Variants in LDLRAD4 observed in about 807,000 individuals in gnomAD.
The protein encoded by LDLRAD4 is low density lipoprotein receptor class A domain containing 4, also known as low-density lipoprotein receptor class A domain-containing protein 4.
LDLRAD4 carries 5 observed loss-of-function variants against 17.0 expected under a neutral mutation model. The ratio of observed to expected loss-of-function variants is 0.29; its 90% confidence interval spans 0.15 to 0.62. The LOEUF (loss-of-function observed/expected upper bound fraction) is 0.62, where lower values mean the gene tolerates loss of function less well. LDLRAD4 is among the 20% of genes least tolerant of loss of function. LDLRAD4 has a pLI of 0.84. For missense variants in LDLRAD4, 340 were observed against 424.7 expected (o/e 0.80, Z 1.75); for synonymous variants, 168 against 171.8 (o/e 0.98, Z 0.17).
intron 1 of LDLRAD4, among the ~76,000 whole-genome samples, chr18:13,286,104 C>T (rs2045608338): frequency 6.6e-6 from 1 of 152,250 alleles, no homozygotes; most frequent in Admixed American, 6.5e-5. Context: ...TTCCCTCTCC[C>T]TCCAGCCGCT....
At chr18:13,434,628 TC>T (rs2090541730) in intron 2 of LDLRAD4, among the ~76,000 whole-genome samples, 2 of 152,236 alleles carry the variant, frequency 1.3e-5, no homozygotes, top group Non-Finnish European at 2.9e-5. Context: ...CCTCTCTGGT[TC>T]TAGTCTGTCA....
chr18:13,313,744 G>GTGA (rs2080780092), intron 1 of LDLRAD4, among the ~76,000 whole-genome samples: 1 of 152,190 alleles, frequency 6.6e-6, no homozygotes, highest in South Asian at 2.1e-4. Flanking sequence ...TTTGAGGACA[G>GTGA]TGACGGTTTC....
intron 1 of LDLRAD4, among the ~76,000 whole-genome samples, chr18:13,264,206 G>A (rs773841569): frequency 7.2e-5 from 11 of 152,208 alleles, no homozygotes; most frequent in Non-Finnish European, 1.3e-4. Flanking sequence ...GTTGCGGGAT[G>A]GACCTGAGTG....
At chr18:13,285,664 C>G (rs1443596121) in intron 1 of LDLRAD4, among the ~76,000 whole-genome samples, 1 of 152,118 alleles carries the variant, frequency 6.6e-6, no homozygotes, top group Non-Finnish European at 1.5e-5. Context: ...AACAGTTTCC[C>G]TCTTTTTGTC....
At chr18:13,593,316 A>C (rs74448815) in intron 3 of LDLRAD4, among the ~76,000 whole-genome samples, 5,135 of 152,254 alleles carry the variant, frequency 0.034, 141 homozygotes, top group Non-Finnish European at 0.048. Context: ...GCGTCTTAAA[A>C]AACAAAAAAC....
intron 1 of LDLRAD4, among the ~76,000 whole-genome samples, chr18:13,364,495 A>AT (rs2083912942): frequency 6.6e-6 from 1 of 152,036 alleles, no homozygotes; most frequent in Non-Finnish European, 1.5e-5. Flanking sequence ...GTGCCACCAC[A>AT]CCTGGCTTAT....
chr18:13,610,517 C>T (rs1022728703), intron 3 of LDLRAD4, among the ~76,000 whole-genome samples: 1 of 151,918 alleles, frequency 6.6e-6, no homozygotes, highest in Non-Finnish European at 1.5e-5. Context: ...GAACTCCTGA[C>T]CTCAGGTGAT....
intron 3 of LDLRAD4, among the ~76,000 whole-genome samples, chr18:13,619,501 TG>T (rs1285398644): frequency 2.0e-3 from 4 of 2,040 alleles, no homozygotes; most frequent in Non-Finnish European, 3.4e-3. Context: ...TGTGTGTGGG[TG>T]GGGGGGTGGG....
intron 3 of LDLRAD4, among the ~76,000 whole-genome samples, chr18:13,452,561 G>C (rs1440593568): frequency 6.6e-6 from 1 of 152,168 alleles, no homozygotes; most frequent in African/African-American, 2.4e-5. Flanking sequence ...AAAGGAGGAA[G>C]GCGGGAGTCC....
intron 3 of LDLRAD4, among the ~76,000 whole-genome samples, chr18:13,542,071 G>A (rs571259477): frequency 6.6e-6 from 1 of 152,132 alleles, no homozygotes; most frequent in East Asian, 1.9e-4. Flanking sequence ...GTAAGACCCT[G>A]ATTCTAAAAA....
Position 13,383,404 on chromosome 18 carries a change from A to G in LDLRAD4, c.-382-3937A>G, listed in dbSNP as rs1360179389. On this transcript the variant is annotated intron_variant, in intron 1 of 5. Transcript: ENST00000359446. ...CTGCAGATGTTTTGGGAAGCCGACCAGGTGCTGCGGGTTGTGTAGCAGGGT... is the reference window on the plus strand; with the variant it reads ...CTGCAGATGTTTTGGGAAGCCGACCGGGTGCTGCGGGTTGTGTAGCAGGGT... Among the ~76,000 whole-genome samples, 3 of 152,162 alleles carry G rather than the reference A, an allele frequency of 2.0e-5. No individual in the cohort carries two copies. In the East Asian group the frequency reaches 5.8e-4, roughly 29 times the overall value.
chr18:13,589,690 G>A (rs2094984248), intron 3 of LDLRAD4, among the ~76,000 whole-genome samples: 1 of 152,168 alleles, frequency 6.6e-6, no homozygotes, highest in South Asian at 2.1e-4. Context: ...AGTTTGCTTG[G>A]TAGGGCCTGA....
At position 13,363,390 on chromosome 18, in the gene LDLRAD4, C is replaced by T. The variant is rs115052496; in HGVS notation, c.-382-23951C>T. On this transcript the variant is annotated intron_variant, in intron 1 of 5. Coordinates refer to ENST00000359446, the Ensembl canonical transcript of LDLRAD4. ...AGGAGGTGGTTAGGTGGGCAGGCTT[C>T]ATGTTGTTTCCCTTAACGAAGGTCT... Among the ~76,000 whole-genome samples the T allele has an allele frequency of 6.3e-3, 942 of 149,058 alleles. 10 individuals are homozygous for T. Among genetic ancestry groups the T allele is most frequent in the African/African-American group, 0.022 (881 of 40,706 alleles).
At chr18:13,606,271 A>G (rs1199103463) in intron 3 of LDLRAD4, among the ~76,000 whole-genome samples, 1 of 152,228 alleles carries the variant, frequency 6.6e-6, no homozygotes, top group African/African-American at 2.4e-5. Flanking sequence ...TAGCTTAGCC[A>G]TTATGAAAAT....
At chr18:13,583,116 G>C (rs2094886309) in intron 3 of LDLRAD4, among the ~76,000 whole-genome samples, 1 of 152,106 alleles carries the variant, frequency 6.6e-6, no homozygotes, top group Non-Finnish European at 1.5e-5. Flanking sequence ...ATAAGACTGT[G>C]AATTATAGCT....
chr18:13,450,173 C>A lies in LDLRAD4; in HGVS notation c.181+11789C>A, dbSNP rs139662776. 2.5e-3 allele frequency among the ~76,000 whole-genome samples: 380 copies of A among 152,328 alleles called. 2 individuals carry two copies. Among genetic ancestry groups the A allele is most frequent in the Middle Eastern group, 0.02 (6 of 294 alleles). ...TGGCAGAGACCCTGCCCTTCCAGGC[C>A]TACCCGTGCCTCCCACTGAAGCCCC... is the stretch of plus-strand genomic sequence containing the variant. On this transcript the variant is annotated intron_variant, in intron 3 of 5. Coordinates refer to ENST00000359446, the Ensembl canonical transcript of LDLRAD4.
Position 13,245,608 on chromosome 18 carries a change from A to G in LDLRAD4, c.-467+26620A>G, listed in dbSNP as rs559036724. Among the ~76,000 whole-genome samples, 13 of 152,302 alleles carry G rather than the reference A, an allele frequency of 8.5e-5. No individual in the cohort carries two copies. The South Asian group carries it at 2.5e-3, about 29-fold the overall frequency. ...ATCCTGGCTCTCTGTCCGTCTCACT[A>G]TGGCCCATGTATCCCTAAGACATGT... On this transcript the variant is annotated intron_variant, in intron 1 of 5. Transcript: ENST00000399848.
intron 4 of LDLRAD4, among the ~76,000 whole-genome samples, chr18:13,623,693 G>A (rs886213929): frequency 1.3e-5 from 2 of 152,224 alleles, no homozygotes; most frequent in Non-Finnish European, 2.9e-5. Context: ...AGTGGCAGCT[G>A]ATGAGGAAGA....
chr18:13,237,195 A>G (rs148997421), intron 1 of LDLRAD4, among the ~76,000 whole-genome samples: 20 of 152,240 alleles, frequency 1.3e-4, no homozygotes, highest in African/African-American at 4.6e-4. Context: ...TGAAAATGGG[A>G]TCATGACATC....
Sources: allele counts gnomAD v4.1 joint callset (sites outside exome capture counted in the v4.1 genomes callset), GRCh38; gene constraint gnomAD v4.1.1; transcripts MANE v1.5; gene names NCBI Gene and HGNC (gene_info 2026-07-23, HGNC 2026-07-21).